RNF2: variants seen among roughly 807,000 people sequenced by gnomAD.
RNF2 encodes the protein ring finger protein 2.
In RNF2, 6 loss-of-function variants were observed where a neutral mutation model predicts 37.2. The observed-to-expected ratio is 0.16, with a 90% CI of 0.09 to 0.32. The LOEUF is 0.32. Ranked by LOEUF, RNF2 falls within the 10% of genes least tolerant of loss-of-function variation. RNF2 has a pLI of 1.00. For synonymous variants in RNF2, 133 were observed against 132.7 expected (o/e 1.00, Z -0.02); for missense variants, 251 against 404.0 (o/e 0.62, Z 3.25).
chr1:185,096,723 G>A (rs942484688), intron 4 of RNF2, among the ~76,000 whole-genome samples: 2 of 151,846 alleles, frequency 1.3e-5, no homozygotes, highest in South Asian at 4.2e-4. Context: ...TCCTTTTTAG[G>A]ACTGAATAAT....
chr1:185,046,555 C>G (rs1024971557), intron 1 of RNF2, among the ~76,000 whole-genome samples: 5 of 152,138 alleles, frequency 3.3e-5, no homozygotes, highest in African/African-American at 1.2e-4. Flanking sequence ...ATAGACTCAT[C>G]TATTTGAAGC....
At chr1:185,088,569 A>G (rs931245288) in intron 2 of RNF2, among the ~76,000 whole-genome samples, 2 of 151,722 alleles carry the variant, frequency 1.3e-5, no homozygotes, top group African/African-American at 4.8e-5. Flanking sequence ...AAAAAAAAAA[A>G]GCTAAAGGAA....
At chr1:185,092,620 G>A (rs769830556) in intron 3 of RNF2, among the ~76,000 whole-genome samples, 35 of 151,902 alleles carry the variant, frequency 2.3e-4, no homozygotes, top group Non-Finnish European at 3.5e-4. Context: ...AAATTACAAC[G>A]CATAAAACCA....
intron 1 of RNF2, among the ~76,000 whole-genome samples, chr1:185,067,323 C>T (rs1210928496): frequency 1.3e-5 from 2 of 152,178 alleles, no homozygotes; most frequent in African/African-American, 4.8e-5. Flanking sequence ...GGTGTTACCG[C>T]AGGCAGTGTT....
intron 1 of RNF2, among the ~76,000 whole-genome samples, chr1:185,055,444 G>A (rs920907907): frequency 3.3e-5 from 5 of 152,054 alleles, no homozygotes; most frequent in African/African-American, 1.2e-4. Flanking sequence ...AAATTTAAAT[G>A]GGTTCTCACT....
At chr1:185,089,161 T>G (rs1651692630) in intron 2 of RNF2, among the ~76,000 whole-genome samples, 1 of 152,126 alleles carries the variant, frequency 6.6e-6, no homozygotes, top group Admixed American at 6.5e-5. Context: ...CATGTGCAGT[T>G]CTCAATAGGG....
At chr1:185,070,890 C>G (rs986666462) in intron 1 of RNF2, among the ~76,000 whole-genome samples, 6 of 152,120 alleles carry the variant, frequency 3.9e-5, no homozygotes, top group Admixed American at 1.3e-4. Flanking sequence ...CCCGCCTCGG[C>G]CTCCCAAAGT....
chr1:185,057,333 ATATAAT>A (rs1343783489), intron 1 of RNF2, among the ~76,000 whole-genome samples: 6 of 152,306 alleles, frequency 3.9e-5, no homozygotes, highest in African/African-American at 1.2e-4. Flanking sequence ...TAAAATCTAA[ATATAAT>A]TAACATTTTC....
chr1:185,052,372 G>A lies in RNF2; in HGVS notation c.-3+6723G>A, dbSNP rs117232442. Reference sequence around the variant, plus strand: ...CACAATGTGGTATAAACTTACAGTGGAATATTATTCAGCCATAAAAAGGAA... The same window carrying A: ...CACAATGTGGTATAAACTTACAGTGAAATATTATTCAGCCATAAAAAGGAA... On this transcript the variant is annotated intron_variant, in intron 1 of 6. Transcript: ENST00000367510. 5.5e-3 allele frequency among the ~76,000 whole-genome samples: 834 copies of A among 152,270 alleles called. 31 individuals carry two copies. The East Asian group carries it at 0.085, about 15-fold the overall frequency.
intron 1 of RNF2, among the ~76,000 whole-genome samples, chr1:185,058,976 G>T (rs1650519606): frequency 6.6e-6 from 1 of 152,170 alleles, no homozygotes; most frequent in Non-Finnish European, 1.5e-5. Flanking sequence ...GCTAATTTTA[G>T]ATTTATCAGA....
chr1:185,075,759 A>G lies in RNF2; in HGVS notation c.-2-11793A>G, dbSNP rs373713697. ...AACAGCAAGGGGGAAATCCACTCCC[A>G]TGATCCAGTCACCTCCCACCAGGCC... On this transcript the variant is annotated intron_variant, in intron 1 of 6. Coordinates refer to ENST00000367510, the MANE Select transcript of RNF2 (RefSeq NM_007212.4). Among the ~76,000 whole-genome samples, 7 of 152,350 alleles carry G rather than the reference A, an allele frequency of 4.6e-5. 1 individual carries two copies. The highest frequency in any genetic ancestry group is 1.7e-4 in the African/African-American group (7 of 41,586).
intron 1 of RNF2, among the ~76,000 whole-genome samples, chr1:185,086,790 T>TA (rs779477947): frequency 1.3e-5 from 2 of 152,234 alleles, no homozygotes; most frequent in Non-Finnish European, 2.9e-5. Context: ...TAAAGTGCTC[T>TA]AAAGTAGATT....
intron 1 of RNF2, among the ~76,000 whole-genome samples, chr1:185,078,972 A>C (rs910562364): frequency 3.3e-5 from 5 of 152,012 alleles, no homozygotes; most frequent in African/African-American, 9.7e-5. Flanking sequence ...TGAACCCGGG[A>C]GGCAGAGGTT....
chr1:185,083,144 A>G (rs1173213248), intron 1 of RNF2, among the ~76,000 whole-genome samples: 1 of 151,908 alleles, frequency 6.6e-6, no homozygotes, highest in Non-Finnish European at 1.5e-5. Context: ...AAAGCCTCTT[A>G]TTTTTCTGCT....
intron 4 of RNF2, among the ~76,000 whole-genome samples, chr1:185,096,406 A>T (rs1434577506): frequency 2.0e-5 from 3 of 152,130 alleles, no homozygotes; most frequent in Non-Finnish European, 2.9e-5. Context: ...AACTCTTTTC[A>T]TCTTATAAAA....
In RNF2 at chr1:185,045,620, C is replaced by CAGCGG. The variant is rs1650088285; in HGVS notation, c.-28_-24dup. ...ACCAGAGTCTTGCTCCGGCCGCGGCCAGCGGAGCCCTGGGCTGGGGCAGGA... is the reference window on the plus strand; with the variant it reads ...ACCAGAGTCTTGCTCCGGCCGCGGCCAGCGGAGCGGAGCCCTGGGCTGGGGCAGGA... On this transcript the variant is annotated 5_prime_UTR_variant, in exon 1 of 7. Coordinates refer to ENST00000367510, the MANE Select transcript of RNF2 (RefSeq NM_007212.4). 1.3e-5 allele frequency: 2 copies of CAGCGG among 152,378 alleles called. No homozygotes were observed. Among genetic ancestry groups the CAGCGG allele is most frequent in the Admixed American group, 1.3e-4 (2 of 15,304 alleles). 9.4% of individuals were successfully genotyped at this position (152,378 alleles called of 1,614,324 possible).
chr1:185,052,026 A>C (rs1202865972), intron 1 of RNF2, among the ~76,000 whole-genome samples: 4 of 151,896 alleles, frequency 2.6e-5, no homozygotes, highest in Non-Finnish European at 5.9e-5. Flanking sequence ...ATTACCCAGG[A>C]AAGTTTCAGT....
chr1:185,073,617 G>A (rs532184682), intron 1 of RNF2, among the ~76,000 whole-genome samples: 7 of 152,204 alleles, frequency 4.6e-5, no homozygotes, highest in African/African-American at 1.7e-4. Context: ...AGGTACCTGT[G>A]TATGTTAAAA....
At chr1:185,049,700 A>G (rs1031852281) in intron 1 of RNF2, among the ~76,000 whole-genome samples, 1 of 151,488 alleles carries the variant, frequency 6.6e-6, no homozygotes, top group Non-Finnish European at 1.5e-5. Flanking sequence ...AGGGGGGAAC[A>G]TTACAGTAAT....
Sources: gnomAD v4.1 joint callset for allele counts (sites outside exome capture counted in the v4.1 genomes callset) on GRCh38, gnomAD v4.1.1 for gene constraint, MANE v1.5 for transcripts, NCBI Gene and HGNC (gene_info 2026-07-23, HGNC 2026-07-21) for gene names.